KCTD1: variants seen among roughly 807,000 people sequenced by gnomAD.
KCTD1 encodes the protein potassium channel tetramerization domain containing 1.
In KCTD1, 24 loss-of-function variants were observed where a neutral mutation model predicts 66.0. The ratio of observed to expected loss-of-function variants is 0.36; its 90% confidence interval spans 0.26 to 0.51. The LOEUF (loss-of-function observed/expected upper bound fraction) is 0.51. KCTD1 is among the 20% of genes least tolerant of loss of function. The probability of loss-of-function intolerance (pLI) is 0.95; values close to 1 mark genes in which losing one functional copy is unlikely to be tolerated. For missense variants in KCTD1, 943 were observed against 1,205.2 expected (o/e 0.78, Z 3.22); for synonymous variants, 511 against 517.2 (o/e 0.99, Z 0.16).
Position 26,639,435 on chromosome 18 carries a change from A to G in KCTD1, c.-107+876T>C, listed in dbSNP as rs529963458. ...GGTTATTGAACCTTTTTAAGCAAGG[A>G]TGTAACATCATGTCATATCCAAAGA... is the stretch of plus-strand genomic sequence containing the variant. On this transcript the variant is annotated intron_variant, in intron 1 of 5. Coordinates refer to the KCTD1 transcript ENST00000579973. Among the ~76,000 whole-genome samples, 3 of 152,284 alleles carry G rather than the reference A, an allele frequency of 2.0e-5. No individual in the cohort carries two copies. In the South Asian group the frequency reaches 6.2e-4, roughly 32 times the overall value.
intron 2 of KCTD1, among the ~76,000 whole-genome samples, chr18:26,478,904 A>G (rs1292177281): frequency 6.6e-6 from 1 of 152,274 alleles, no homozygotes; most frequent in Non-Finnish European, 1.5e-5. Flanking sequence ...AAAAATTTCT[A>G]TAAAAGCAGC....
upstream of KCTD1, chr18:26,549,313 A>G (rs1985446375): frequency 1.0e-6 from 1 of 985,194 alleles, no homozygotes; most frequent in Non-Finnish European, 1.2e-6. Context: ...GACTCTTGCA[A>G]AGGAGCGAAA....
At chr18:26,561,326 T>G (rs192334814) in intron 1 of KCTD1, among the ~76,000 whole-genome samples, 9 of 152,270 alleles carry the variant, frequency 5.9e-5, no homozygotes, top group East Asian at 3.9e-4. Context: ...TGCTTTGGTG[T>G]TGTTTGAATT....
intron 2 of KCTD1, among the ~76,000 whole-genome samples, chr18:26,498,714 G>A (rs1049431983): frequency 9.2e-5 from 14 of 151,886 alleles, no homozygotes; most frequent in African/African-American, 2.2e-4. Context: ...ATGACACAGC[G>A]CAGGTAAATA....
intron 1 of KCTD1, among the ~76,000 whole-genome samples, chr18:26,516,278 T>C (rs968075984): frequency 3.3e-5 from 5 of 152,208 alleles, no homozygotes; most frequent in African/African-American, 7.2e-5. Context: ...TTTACATACA[T>C]ATTCAGGAGG....
At chr18:26,503,536 C>G (rs1982875749) in intron 1 of KCTD1, among the ~76,000 whole-genome samples, 1 of 152,104 alleles carries the variant, frequency 6.6e-6, no homozygotes, top group Non-Finnish European at 1.5e-5. Flanking sequence ...ACCTCCCTCC[C>G]TGTTACATTT....
Position 26,570,177 on chromosome 18 carries a change from C to T in KCTD1, c.-16+58970G>A, listed in dbSNP as rs532035425. Among the ~76,000 whole-genome samples, 357 of 56,600 alleles carry T rather than the reference C, an allele frequency of 6.3e-3. 3 individuals are homozygous for T. Among genetic ancestry groups the T allele is most frequent in the Middle Eastern group, 0.025 (3 of 120 alleles). 37.1% of individuals were successfully genotyped at this position (56,600 alleles called of 152,430 possible). On this transcript the variant is annotated intron_variant, in intron 1 of 4. Transcript: ENST00000317932. ...TTGCAGCCTGGGCGACAGAGCAAGACTCCATCTAAAAAAAATATATATATA... is the reference window on the plus strand; with the variant it reads ...TTGCAGCCTGGGCGACAGAGCAAGATTCCATCTAAAAAAAATATATATATA...
chr18:26,533,718 C>T (rs182799782), intron 1 of KCTD1, among the ~76,000 whole-genome samples: 2 of 151,248 alleles, frequency 1.3e-5, no homozygotes, highest in Admixed American at 6.6e-5. Context: ...AGGCTGGTTT[C>T]GAACTCTTTG....
intron 1 of KCTD1, among the ~76,000 whole-genome samples, chr18:26,603,811 T>C (rs1986953954): frequency 6.7e-6 from 1 of 149,274 alleles, no homozygotes; most frequent in South Asian, 2.1e-4. Flanking sequence ...ATGAAAACCC[T>C]AGGAGAAAAC....
chr18:26,593,251 T>C (rs1276951617), intron 1 of KCTD1, among the ~76,000 whole-genome samples: 1 of 151,166 alleles, frequency 6.6e-6, no homozygotes, highest in Non-Finnish European at 1.5e-5. Context: ...TTTCTGAAGC[T>C]TCTCATAAGG....
intron 1 of KCTD1, among the ~76,000 whole-genome samples, chr18:26,636,517 G>A (rs1040402069): frequency 6.6e-6 from 1 of 152,192 alleles, no homozygotes; most frequent in African/African-American, 2.4e-5. Flanking sequence ...AGTCCCGACC[G>A]AAACTCCCAT....
intron 1 of KCTD1, among the ~76,000 whole-genome samples, chr18:26,563,015 C>T (rs1460912220): frequency 6.6e-6 from 1 of 152,212 alleles, no homozygotes; most frequent in African/African-American, 2.4e-5. Flanking sequence ...ATCTGCTCCT[C>T]CTGCTTTATT....
intron 3 of KCTD1, among the ~76,000 whole-genome samples, chr18:26,461,784 A>G (rs967294301): frequency 3.3e-5 from 5 of 152,212 alleles, no homozygotes; most frequent in Non-Finnish European, 7.4e-5. Flanking sequence ...AGATTTAATT[A>G]CAAAACTTAG....
chr18:26,640,688 G>A (rs1987816619), upstream of KCTD1, among the ~76,000 whole-genome samples: 2 of 152,172 alleles, frequency 1.3e-5, no homozygotes, highest in African/African-American at 4.8e-5. Flanking sequence ...TTCAGGACAG[G>A]AGGAAGGTGA....
At chr18:26,605,233 G>A (rs994271533) in intron 1 of KCTD1, among the ~76,000 whole-genome samples, 14 of 152,158 alleles carry the variant, frequency 9.2e-5, no homozygotes, top group African/African-American at 3.4e-4. Context: ...TTTATTTTGA[G>A]TCAACATGGG....
upstream of KCTD1, among the ~76,000 whole-genome samples, chr18:26,633,743 T>A (rs1987668076): frequency 1.3e-5 from 2 of 152,138 alleles, no homozygotes. Flanking sequence ...TCAACAAATG[T>A]ACAAAAAGAT....
chr18:26,486,237 A>G (rs1054138003), intron 2 of KCTD1, among the ~76,000 whole-genome samples: 3 of 152,170 alleles, frequency 2.0e-5, no homozygotes, highest in Non-Finnish European at 2.9e-5. Context: ...GCAGCTCTAT[A>G]AAGTATTTTG....
chr18:26,552,335 A>C (rs1985594363), upstream of KCTD1, among the ~76,000 whole-genome samples: 1 of 152,166 alleles, frequency 6.6e-6, no homozygotes, highest in Non-Finnish European at 1.5e-5. Context: ...TACTGGATAT[A>C]GTTGGTTTTT....
chr18:26,570,191 A>AAAAAT (rs776923644), intron 1 of KCTD1, among the ~76,000 whole-genome samples: 1,826 of 132,488 alleles, frequency 0.014, 42 homozygotes, highest in African/African-American at 0.043. Flanking sequence ...ATCTAAAAAA[A>AAAAAT]ATATATATAT....
Sources: allele counts gnomAD v4.1 joint callset (sites outside exome capture counted in the v4.1 genomes callset), GRCh38; gene constraint gnomAD v4.1.1; transcripts MANE v1.5; gene names NCBI Gene and HGNC (gene_info 2026-07-23, HGNC 2026-07-21).